The following TENM3 variants were observed in gnomAD, a reference collection of about 807,000 sequenced individuals.
The protein encoded by TENM3 is teneurin-3.
A neutral mutation model predicts 255.1 loss-of-function variants in TENM3; 63 were observed. The observed-to-expected ratio is 0.25, with a 90% confidence interval of 0.20 to 0.30. The LOEUF (loss-of-function observed/expected upper bound fraction) is 0.30. Ranked by LOEUF, TENM3 falls within the 10% of genes least tolerant of loss-of-function variation. The probability of loss-of-function intolerance (pLI) is 1.00; values close to 1 mark genes in which losing one functional copy is unlikely to be tolerated. For synonymous variants in TENM3, 1,306 were observed against 1,322.3 expected (o/e 0.99, Z 0.27); for missense variants, 2,929 against 3,461.1 (o/e 0.85, Z 3.86).
At chr4:182,650,889 A>AAAAATATATATATATATATAT (rs1281790163) in intron 5 of TENM3, among the ~76,000 whole-genome samples, 1 of 29,770 alleles carries the variant, frequency 3.4e-5, no homozygotes, top group Non-Finnish European at 5.7e-5. Context: ...AATAAAAAAA[A>AAAAATATATATATATATATAT]ATATATATAT....
chr4:181,783,821 TC>T, the TENM3 span, among the ~76,000 whole-genome samples: 1 of 152,068 alleles, frequency 6.6e-6, no homozygotes, highest in Non-Finnish European at 1.5e-5. Flanking sequence ...AGCCTAAGCC[TC>T]CAGAGTCGCT....
chr4:182,311,098 G>A (rs1762417436), intron 1 of TENM3, among the ~76,000 whole-genome samples: 1 of 152,194 alleles, frequency 6.6e-6, no homozygotes. Flanking sequence ...TGACAGACAA[G>A]CAAAGAGAAT....
At chr4:181,640,862 T>C in the TENM3 span, among the ~76,000 whole-genome samples, 1 of 152,204 alleles carries the variant, frequency 6.6e-6, no homozygotes, top group Non-Finnish European at 1.5e-5. Context: ...TTCTATGTCT[T>C]GCTAAATTTC....
chr4:182,558,546 G>T (rs1514484), intron 3 of TENM3, among the ~76,000 whole-genome samples: 112,504 of 152,044 alleles, frequency 0.74, 43,226 homozygotes, highest in Non-Finnish European at 0.85. Flanking sequence ...GTGTATCAGT[G>T]GAGTAAGAGG....
chr4:182,442,804 G>C (rs139992527), intron 3 of TENM3, among the ~76,000 whole-genome samples: 1 of 148,222 alleles, frequency 6.7e-6, no homozygotes, highest in Non-Finnish European at 1.5e-5. Flanking sequence ...GTGTGTGTGT[G>C]TATATACACA....
chr4:182,427,799 C>T (rs183948294), intron 3 of TENM3, among the ~76,000 whole-genome samples: 1 of 152,192 alleles, frequency 6.6e-6, no homozygotes, highest in East Asian at 1.9e-4. Context: ...AGTATGGACC[C>T]AGAAATCTTG....
At chr4:182,280,418 T>G (rs770191089) in intron 1 of TENM3, among the ~76,000 whole-genome samples, 8 of 152,216 alleles carry the variant, frequency 5.3e-5, no homozygotes, top group Non-Finnish European at 1.2e-4. Flanking sequence ...CACTGAGATT[T>G]ATATATTCTT....
At chr4:182,007,650 G>A in the TENM3 span, among the ~76,000 whole-genome samples, 2 of 152,018 alleles carry the variant, frequency 1.3e-5, no homozygotes, top group East Asian at 1.9e-4. Flanking sequence ...TAGATACAGC[G>A]CACCAATGGG....
chr4:182,636,471 T>C (rs2152485531), intron 5 of TENM3, among the ~76,000 whole-genome samples: 1 of 152,238 alleles, frequency 6.6e-6, no homozygotes, highest in South Asian at 2.1e-4. Flanking sequence ...GCACAGTGGC[T>C]CACACCTGTA....
In TENM3 at chr4:182,728,926, AAGGAAAATTCTCTTACTGGGG is replaced by A. The variant is rs1342728195; in HGVS notation, c.2369-37_2369-17del. On this transcript the variant is annotated intron_variant, in intron 13 of 27. Coordinates refer to ENST00000511685, the MANE Select transcript of TENM3 (RefSeq NM_001080477.4). ...AACTGATTCTACATTATGGCATCAA[AAGGAAAATTCTCTTACTGGGG>A]AACATTTCTCTCTACAGATGGACTC... is the stretch of plus-strand genomic sequence containing the variant. 1.9e-6 allele frequency: 3 copies of A among 1,563,002 alleles called. No individual in the cohort carries two copies. Among genetic ancestry groups the A allele is most frequent in the Non-Finnish European group, 2.6e-6 (3 of 1,138,218 alleles).
the TENM3 span, among the ~76,000 whole-genome samples, chr4:181,873,780 T>G: frequency 6.6e-6 from 1 of 151,642 alleles, no homozygotes; most frequent in South Asian, 2.1e-4. Flanking sequence ...GGTTTTTTGT[T>G]TTTTGTGTTT....
At chr4:182,385,732 G>T (rs1264137183) in intron 3 of TENM3, among the ~76,000 whole-genome samples, 1 of 152,074 alleles carries the variant, frequency 6.6e-6, no homozygotes, top group Non-Finnish European at 1.5e-5. Flanking sequence ...CCTTTTCTTT[G>T]CCTCTAAGAT....
chr4:181,822,058 G>C, the TENM3 span, among the ~76,000 whole-genome samples: 1 of 152,194 alleles, frequency 6.6e-6, no homozygotes. Context: ...AAATGAACAG[G>C]AGACTAGAGG....
intron 1 of TENM3, among the ~76,000 whole-genome samples, chr4:182,297,199 CTG>C (rs1761548713): frequency 6.6e-6 from 1 of 152,166 alleles, no homozygotes; most frequent in Non-Finnish European, 1.5e-5. Context: ...CATCATATAA[CTG>C]GGGCCACAGC....
At chr4:181,582,769 A>C in the TENM3 span, among the ~76,000 whole-genome samples, 6 of 151,952 alleles carry the variant, frequency 3.9e-5, no homozygotes, top group South Asian at 1.2e-3. Context: ...TGGAGCCGCC[A>C]GGCTGCACAA....
At chr4:181,677,314 G>C in the TENM3 span, among the ~76,000 whole-genome samples, 1 of 151,994 alleles carries the variant, frequency 6.6e-6, no homozygotes, top group African/African-American at 2.4e-5. Flanking sequence ...AACTTACCAT[G>C]TTTCAACCAA....
intron 4 of TENM3, among the ~76,000 whole-genome samples, chr4:182,610,877 G>A (rs1307626818): frequency 6.6e-6 from 1 of 150,870 alleles, no homozygotes; most frequent in Non-Finnish European, 1.5e-5. Flanking sequence ...CCGAGTAGCT[G>A]AGACCATAGG....
the TENM3 span, among the ~76,000 whole-genome samples, chr4:181,971,217 G>A: frequency 6.6e-6 from 1 of 152,202 alleles, no homozygotes; most frequent in Non-Finnish European, 1.5e-5. Context: ...TCAGGAATGG[G>A]ATTGGAAAGA....
intron 6 of TENM3, among the ~76,000 whole-genome samples, chr4:182,669,281 T>TTTTTG (rs1245076043): frequency 3.3e-5 from 5 of 151,964 alleles, no homozygotes; most frequent in Non-Finnish European, 7.4e-5. Context: ...TTTGTTTTTG[T>TTTTTG]TTTTGTGAGA....
Sources: allele counts gnomAD v4.1 joint callset (sites outside exome capture counted in the v4.1 genomes callset), GRCh38; gene constraint gnomAD v4.1.1; transcripts MANE v1.5; gene names NCBI Gene and HGNC (gene_info 2026-07-23, HGNC 2026-07-21).